The following GLI3 variants were observed in gnomAD, a reference collection of about 807,000 sequenced individuals.
GLI3 encodes GLI family zinc finger 3.
A neutral mutation model predicts 100.8 loss-of-function variants in GLI3; 20 were observed. The observed-to-expected ratio is 0.20, with a 90% CI of 0.14 to 0.29. The LOEUF (loss-of-function observed/expected upper bound fraction) is 0.29, where lower values mean the gene tolerates loss of function less well. Ranked by LOEUF, GLI3 falls within the 10% of genes least tolerant of loss-of-function variation. GLI3 has a pLI of 1.00. For missense variants in GLI3, 2,040 were observed against 2,128.5 expected, an observed-to-expected ratio of 0.96 and a Z score of 0.82; for synonymous variants, 938 against 860.5, an observed-to-expected ratio of 1.09 and a Z score of -1.58.
At chr7:42,020,150 A>G (rs1460040333) in intron 10 of GLI3, among the ~76,000 whole-genome samples, 1 of 152,234 alleles carries the variant, frequency 6.6e-6, no homozygotes. Context: ...ATAGTAATGA[A>G]CGAGGTAATC....
intron 1 of GLI3, among the ~76,000 whole-genome samples, chr7:42,260,864 A>T (rs552034310): frequency 1.3e-5 from 2 of 151,426 alleles, no homozygotes; most frequent in East Asian, 3.9e-4. Context: ...GAAATAAAGG[A>T]TGACTCCTGG....
At chr7:42,123,889 G>A (rs1786061642) in intron 3 of GLI3, among the ~76,000 whole-genome samples, 1 of 152,106 alleles carries the variant, frequency 6.6e-6, no homozygotes, top group African/African-American at 2.4e-5. Flanking sequence ...CAGTTCTCAG[G>A]AATTCTGATT....
intron 10 of GLI3, among the ~76,000 whole-genome samples, chr7:42,001,793 C>T (rs905768248): frequency 5.3e-5 from 8 of 151,748 alleles, no homozygotes; most frequent in Non-Finnish European, 1.2e-4. Flanking sequence ...AATCATTTTA[C>T]AATAATAACT....
chr7:42,152,742 C>T (rs1786903545), intron 2 of GLI3, among the ~76,000 whole-genome samples: 1 of 152,202 alleles, frequency 6.6e-6, no homozygotes, highest in African/African-American at 2.4e-5. Context: ...TCAACAGCAG[C>T]TTCAATTACA....
At chr7:42,027,545 T>A (rs1287126120) in intron 7 of GLI3, among the ~76,000 whole-genome samples, 2 of 152,238 alleles carry the variant, frequency 1.3e-5, no homozygotes, top group East Asian at 3.9e-4. Context: ...AATAGCAAAA[T>A]TCAAACCATT....
intron 3 of GLI3, among the ~76,000 whole-genome samples, chr7:42,102,772 G>A (rs1395715237): frequency 3.9e-5 from 6 of 152,148 alleles, no homozygotes; most frequent in Admixed American, 3.3e-4. Context: ...ATCCTGCTCC[G>A]GCTTGTCCCT....
intron 4 of GLI3, among the ~76,000 whole-genome samples, chr7:42,069,055 A>T (rs549995902): frequency 7.9e-5 from 12 of 152,310 alleles, no homozygotes; most frequent in Non-Finnish European, 1.6e-4. Context: ...AACAGGTTTG[A>T]CAGCAGCCTC....
chr7:42,142,871 G>A (rs1310375226), intron 3 of GLI3, among the ~76,000 whole-genome samples: 7 of 150,030 alleles, frequency 4.7e-5, no homozygotes, highest in Admixed American at 3.3e-4. Flanking sequence ...CCCGGGAGGC[G>A]GAGCTTGCAG....
intron 3 of GLI3, among the ~76,000 whole-genome samples, chr7:42,108,403 C>A (rs1583563799): frequency 6.6e-6 from 1 of 152,176 alleles, no homozygotes; most frequent in East Asian, 1.9e-4. Flanking sequence ...GATTAGAAAA[C>A]TATGCCTCTT....
At chr7:42,078,473 C>T (rs185523530) in intron 3 of GLI3, among the ~76,000 whole-genome samples, 29 of 152,174 alleles carry the variant, frequency 1.9e-4, no homozygotes, top group African/African-American at 6.3e-4. Flanking sequence ...GGGAAGGACC[C>T]GAGGCTGTAA....
At chr7:42,040,374 C>G (rs1784109176) in intron 6 of GLI3, 135 bp from the exon 7 acceptor site, 1 of 715,862 alleles carries the variant, frequency 1.4e-6, no homozygotes, top group Non-Finnish European at 2.5e-6. Context: ...TCTCCTCCCC[C>G]ATGTGATCTA....
chr7:42,150,918 C>G (rs1032290006), intron 2 of GLI3, among the ~76,000 whole-genome samples: 2 of 152,046 alleles, frequency 1.3e-5, no homozygotes, highest in African/African-American at 2.4e-5. Context: ...GTAATCGGGG[C>G]GGCGGAGTGG....
intron 1 of GLI3, among the ~76,000 whole-genome samples, chr7:42,224,431 T>C (rs967977142): frequency 2.6e-5 from 4 of 152,344 alleles, no homozygotes; most frequent in African/African-American, 9.6e-5. Flanking sequence ...AAGCTCTTCA[T>C]TGTATAATAA....
intron 5 of GLI3, among the ~76,000 whole-genome samples, chr7:42,046,913 T>C (rs1784256966): frequency 6.6e-6 from 1 of 152,176 alleles, no homozygotes; most frequent in Admixed American, 6.5e-5. Flanking sequence ...CCCAGCACTT[T>C]GGGAGGTAGA....
Position 42,025,367 on chromosome 7 carries a change from G to A in GLI3, c.1253C>T (p.Thr418Met), listed in dbSNP as rs757359712. Residue 418 changes from threonine (T) to methionine (M), a missense_variant, in exon 9 of 15, where the codon ACG becomes ATG. Physicochemically the swap from Thr to Met is moderately conservative, Grantham distance 81 (BLOSUM62 -1). Coordinates refer to ENST00000395925, the MANE Select transcript of GLI3 (RefSeq NM_000168.6). ...AGTGCTGCTCACTGCAGACTCACTCGTGGGCTTGTTCTGCTGGTCACATTT... is the reference window on the plus strand; with the variant it reads ...AGTGCTGCTCACTGCAGACTCACTCATGGGCTTGTTCTGCTGGTCACATTT... Reference protein sequence around the residue: ...GPSESSQNKPTSESAVSSTGD... With the variant: ...GPSESSQNKPMSESAVSSTGD... 22 of 1,612,470 alleles carry A rather than the reference G, an allele frequency of 1.4e-5. No individual in the cohort carries two copies. Among genetic ancestry groups the A allele is most frequent in the East Asian group, 4.5e-5 (2 of 44,882 alleles).
chr7:42,152,823 T>C (rs1186358719), intron 2 of GLI3, among the ~76,000 whole-genome samples: 1 of 152,190 alleles, frequency 6.6e-6, no homozygotes, highest in Non-Finnish European at 1.5e-5. Flanking sequence ...CCACTCCACA[T>C]ATTGCCACTA....
rs1192306335 is a variant in GLI3 at position 41,964,498 on chromosome 7, T to C, written c.4575A>G (p.Pro1525=). The C allele has an allele frequency of 1.2e-6, 2 of 1,614,166 alleles. No homozygotes were observed. Among genetic ancestry groups the C allele is most frequent in the Non-Finnish European group, 1.7e-6 (2 of 1,180,000 alleles). Reference sequence around the variant, plus strand: ...TATGGGAAAGGTTCTGAATGATACTTGGGCTCAGGGCCCCCGACATCAGGC... The same window carrying C: ...TATGGGAAAGGTTCTGAATGATACTCGGGCTCAGGGCCCCCGACATCAGGC... The part of the protein sequence containing the change: ...HSSLMSGALS[P]SIIQNLSHSS... Residue 1525 remains proline (P), a synonymous_variant, in exon 15 of 15, where the codon CCA becomes CCG. Coordinates refer to ENST00000395925, the MANE Select transcript of GLI3 (RefSeq NM_000168.6).
At chr7:42,171,453 G>A (rs1464770952) in intron 2 of GLI3, among the ~76,000 whole-genome samples, 1 of 152,158 alleles carries the variant, frequency 6.6e-6, no homozygotes, top group East Asian at 1.9e-4. Context: ...AGACTAGAAG[G>A]AAATGTACTA....
intron 4 of GLI3, among the ~76,000 whole-genome samples, chr7:42,056,925 T>C (rs928175120): frequency 1.3e-5 from 2 of 149,328 alleles, no homozygotes; most frequent in African/African-American, 5.0e-5. Flanking sequence ...GAGGTTGTGG[T>C]GAGCTGAGAT....
Sources: gnomAD v4.1 joint callset for allele counts (sites outside exome capture counted in the v4.1 genomes callset) on GRCh38, gnomAD v4.1.1 for gene constraint, MANE v1.5 for transcripts, NCBI Gene and HGNC (gene_info 2026-07-23, HGNC 2026-07-21) for gene names.